FAM50B: variants seen among roughly 807,000 people sequenced by gnomAD.
The protein encoded by FAM50B is family with sequence similarity 50 member B.
A neutral mutation model predicts 25.4 loss-of-function variants in FAM50B; 9 were observed. That is an observed-to-expected ratio of 0.35 (90% CI 0.21 to 0.62). The LOEUF is 0.62. FAM50B is among the 20% of genes least tolerant of loss of function. The pLI is 0.73. For synonymous variants in FAM50B, 212 were observed against 204.3 expected, an observed-to-expected ratio of 1.04 and a Z score of -0.32; for missense variants, 372 against 477.9, an observed-to-expected ratio of 0.78 and a Z score of 2.07.
At chr6:3,836,947 G>A in the FAM50B span, among the ~76,000 whole-genome samples, 1 of 152,206 alleles carries the variant, frequency 6.6e-6, no homozygotes, top group African/African-American at 2.4e-5. Context: ...GCATTATCAA[G>A]AGAAGATACA....
At chr6:3,839,424 G>A in the FAM50B span, among the ~76,000 whole-genome samples, 7 of 152,098 alleles carry the variant, frequency 4.6e-5, no homozygotes, top group African/African-American at 1.7e-4. Flanking sequence ...CATGAGGTTT[G>A]GAGGGTCAAA....
At position 3,849,829 on chromosome 6, in the gene FAM50B, C is replaced by A; in HGVS notation, c.18C>A (p.Gly6=). 1 of 1,611,016 alleles carries A rather than the reference C, an allele frequency of 6.2e-7. No homozygotes were observed. Residue 6 remains glycine, a synonymous_variant, in exon 2 of 2, where the codon GGC becomes GGA. Transcript: ENST00000648326. MAQYK[G]TMREAGRAMH... ...CGCGGGCCATGGCGCAGTACAAGGG[C>A]ACCATGCGCGAGGCAGGCCGTGCCA...
chr6:3,841,809 G>A, the FAM50B span, among the ~76,000 whole-genome samples: 2 of 152,030 alleles, frequency 1.3e-5, no homozygotes, highest in South Asian at 2.1e-4. Flanking sequence ...CTCCCTCTAC[G>A]AGTCTCATTA....
chr6:3,832,134 C>G, the FAM50B span: 1 of 152,142 alleles, frequency 6.6e-6, no homozygotes, highest in Non-Finnish European at 1.5e-5. Flanking sequence ...ATACATATTC[C>G]TGGAAGCAGT....
At chr6:3,849,275 G>C (rs1360190259), upstream of FAM50B, 6 of 153,426 alleles carry the variant, frequency 3.9e-5, no homozygotes, top group East Asian at 9.6e-4. Context: ...CCCCGCCAGG[G>C]GGCGATCCAC....
rs978048116 is a variant in FAM50B, at chr6:3,850,909, T to G, written c.*120T>G. On this transcript the variant is annotated 3_prime_UTR_variant, in exon 2 of 2. Coordinates refer to ENST00000648326, the MANE Select transcript of FAM50B (RefSeq NM_012135.3). The stretch of plus-strand genomic sequence containing the variant: ...CCCCAAATTTAATAAAGACAGAGGG[T>G]TCTCATGATTCACATTGGTTGTGCT... 17 of 1,426,356 alleles carry G rather than the reference T, an allele frequency of 1.2e-5. No individual in the cohort carries two copies. Among genetic ancestry groups the G allele is most frequent in the South Asian group, 2.8e-5 (2 of 70,296 alleles). 88.4% of individuals were successfully genotyped at this position (1,426,356 alleles called of 1,614,324 possible). A position where few individuals can be genotyped will look rare whatever the true frequency, so the allele number is the denominator to read the frequency against.
chr6:3,833,300 C>T, the FAM50B span, among the ~76,000 whole-genome samples: 2 of 152,148 alleles, frequency 1.3e-5, no homozygotes, highest in Non-Finnish European at 2.9e-5. Flanking sequence ...ATTTGAGCCT[C>T]GCTACCAACT....
upstream of FAM50B, among the ~76,000 whole-genome samples, chr6:3,844,449 G>A (rs1762099153): frequency 6.6e-6 from 1 of 152,124 alleles, no homozygotes; most frequent in African/African-American, 2.4e-5. Flanking sequence ...GGTGGCTCAC[G>A]CCTGTAATCC....
chr6:3,832,925 G>A, the FAM50B span, among the ~76,000 whole-genome samples: 73 of 151,892 alleles, frequency 4.8e-4, no homozygotes, highest in Non-Finnish European at 8.7e-4. Flanking sequence ...AGTGGTACAC[G>A]ATCTTGGCTC....
chr6:3,848,814 A>G (rs1248933854), upstream of FAM50B, among the ~76,000 whole-genome samples: 1 of 152,196 alleles, frequency 6.6e-6, no homozygotes, highest in Non-Finnish European at 1.5e-5. Flanking sequence ...TGCTGTATAG[A>G]AGAGGTCAAA....
Position 3,850,902 on chromosome 6 carries a change from C to CA in FAM50B, c.*114dup. On this transcript the variant is annotated 3_prime_UTR_variant, in exon 2 of 2. Transcript: ENST00000648326. ...TTTCTTCCCCCAAATTTAATAAAGA[C>CA]AGAGGGTTCTCATGATTCACATTGG... 6.8e-7 allele frequency: 1 copy of CA among 1,462,966 alleles called. No individual in the cohort carries two copies. The highest frequency in any genetic ancestry group is 9.2e-7 in the Non-Finnish European group (1 of 1,091,718). 90.6% of individuals were successfully genotyped at this position (1,462,966 alleles called of 1,614,324 possible). A position where few individuals can be genotyped will look rare whatever the true frequency, so the allele number is the denominator to read the frequency against.
chr6:3,842,637 C>T, the FAM50B span, among the ~76,000 whole-genome samples: 1 of 152,138 alleles, frequency 6.6e-6, no homozygotes, highest in African/African-American at 2.4e-5. Context: ...GATGTTCCAC[C>T]CTTTGAAAGA....
chr6:3,843,846 G>A, the FAM50B span, among the ~76,000 whole-genome samples: 1 of 152,200 alleles, frequency 6.6e-6, no homozygotes, highest in South Asian at 2.1e-4. Context: ...TTTGGCACCT[G>A]GTTGATGTGA....
chr6:3,832,590 G>A, the FAM50B span, among the ~76,000 whole-genome samples: 2 of 152,164 alleles, frequency 1.3e-5, no homozygotes, highest in East Asian at 1.9e-4. Flanking sequence ...AAAATGTGGG[G>A]TAACAACATC....
chr6:3,850,162 C>T lies in FAM50B; in HGVS notation c.351C>T (p.Ile117=), dbSNP rs1401467437. The T allele has an allele frequency of 1.2e-6, 2 of 1,613,124 alleles. No homozygotes were observed. ...QEQRRERKRK[I]SCLSFALDDL... Reference sequence around the variant, plus strand: ...AGCGGCGCGAGCGCAAGCGTAAGATCTCCTGCCTGTCCTTTGCACTAGACG... The same window carrying T: ...AGCGGCGCGAGCGCAAGCGTAAGATTTCCTGCCTGTCCTTTGCACTAGACG... The change falls in exon 2 of 2, where the codon ATC becomes ATT. Residue 117 remains isoleucine, a synonymous_variant. Coordinates refer to ENST00000648326, the MANE Select transcript of FAM50B (RefSeq NM_012135.3).
At chr6:3,839,600 A>T in the FAM50B span, among the ~76,000 whole-genome samples, 1 of 152,204 alleles carries the variant, frequency 6.6e-6, no homozygotes, top group Admixed American at 6.5e-5. Context: ...AAACTCATAG[A>T]ACTGTATACC....
At chr6:3,845,800 C>G (rs1335617797), upstream of FAM50B, among the ~76,000 whole-genome samples, 3 of 152,128 alleles carry the variant, frequency 2.0e-5, no homozygotes, top group African/African-American at 7.2e-5. Flanking sequence ...CTGCAACCTC[C>G]ATCTCCTGGG....
At position 3,850,273 on chromosome 6, in the gene FAM50B, A is replaced by G. The variant is rs780070639; in HGVS notation, c.462A>G (p.Pro154=). Residue 154 remains proline, a synonymous_variant, in exon 2 of 2, where the codon CCA becomes CCG. Coordinates refer to ENST00000648326, the MANE Select transcript of FAM50B (RefSeq NM_012135.3). ...CCGACGTGGACACCAGCTTCCTGCC[A>G]GACCGCGACCGCGAGGAGGAGGAGA... ...KNPDVDTSFL[P]DRDREEEENR... 36 of 1,612,980 alleles carry G rather than the reference A, an allele frequency of 2.2e-5. No individual in the cohort carries two copies. The highest frequency in any genetic ancestry group is 3.3e-5 in the Admixed American group (2 of 59,984).
At chr6:3,849,571 A>G in intron 1 of FAM50B, 85 bp downstream of exon 1, 4 of 614,132 alleles carry the variant, frequency 6.5e-6, no homozygotes, top group Non-Finnish European at 1.1e-5. Context: ...GCCACCCGTT[A>G]CGTGGGGCCG....
Sources: gnomAD v4.1 joint callset for allele counts (sites outside exome capture counted in the v4.1 genomes callset) on GRCh38, gnomAD v4.1.1 for gene constraint, MANE v1.5 for transcripts, NCBI Gene and HGNC (gene_info 2026-07-23, HGNC 2026-07-21) for gene names.